The following NDUFV2 variants were observed in gnomAD, a reference collection of about 807,000 sequenced individuals.
NDUFV2 encodes the protein NADH dehydrogenase [ubiquinone] flavoprotein 2, mitochondrial.
A neutral mutation model predicts 31.6 loss-of-function variants in NDUFV2; 18 were observed. The ratio of observed to expected loss-of-function variants is 0.57; its 90% CI spans 0.39 to 0.84. The LOEUF (loss-of-function observed/expected upper bound fraction) is 0.84. Ranked by LOEUF, NDUFV2 falls within the 40% of genes least tolerant of loss-of-function variation. The probability of loss-of-function intolerance (pLI) is 0.00; values close to 1 mark genes in which losing one functional copy is unlikely to be tolerated. For missense variants in NDUFV2, 314 were observed against 303.6 expected, an observed-to-expected ratio of 1.03 and a Z score of -0.26; for synonymous variants, 83 against 99.8, an observed-to-expected ratio of 0.83 and a Z score of 1.01.
At chr18:9,119,178 AT>A in intron 2 of NDUFV2, 147 bp from the exon 3 acceptor site, 2 of 687,220 alleles carry the variant, frequency 2.9e-6, no homozygotes, top group Non-Finnish European at 5.2e-6. Flanking sequence ...GTGTTTAGAC[AT>A]TCTTTTTGAT....
In NDUFV2 at chr18:9,126,929, G is replaced by GA; in HGVS notation, c.656+24dup. 5 of 1,590,588 alleles carry GA rather than the reference G, an allele frequency of 3.1e-6. No individual in the cohort carries two copies. The Middle Eastern group carries it at 8.4e-4, about 268-fold the overall frequency. ...CAAGGTATGCTTTATTTATATATAG[G>GA]AAGTTTTAGTGGCTCACCTAAATTA... On this transcript the variant is annotated intron_variant, in intron 7 of 7. Coordinates refer to ENST00000318388, the MANE Select transcript of NDUFV2 (RefSeq NM_021074.5).
rs1386267240 is a variant in NDUFV2, at chr18:9,102,768, G to C, written c.25G>C (p.Ala9Pro). The change falls in exon 1 of 8, where the codon GCC (alanine) becomes CCC (proline). Residue 9 changes from alanine to proline, a missense_variant. Physicochemically the swap from Ala to Pro is conservative, Grantham distance 27 (BLOSUM62 -1). Coordinates refer to ENST00000318388, the MANE Select transcript of NDUFV2 (RefSeq NM_021074.5). The part of the protein sequence containing the change: MFFSAALR[A>P]RAAGLTAHWG... Reference sequence around the variant, plus strand: ...CATGTTCTTCTCCGCGGCGCTCCGGGCCCGGGCGGCTGGCCTCACCGCCCA... The same window carrying C: ...CATGTTCTTCTCCGCGGCGCTCCGGCCCCGGGCGGCTGGCCTCACCGCCCA... The C allele has an allele frequency of 6.3e-7, 1 of 1,584,692 alleles. No individual in the cohort carries two copies. The highest frequency in any genetic ancestry group is 1.1e-5 in the South Asian group (1 of 87,076).
At chr18:9,114,098 T>G (rs1039825) in intron 1 of NDUFV2, among the ~76,000 whole-genome samples, 126,146 of 152,092 alleles carry the variant, frequency 0.83, 52,439 homozygotes, top group Middle Eastern at 0.91. Flanking sequence ...AAGATGGTCT[T>G]AAACAAAAGC....
At chr18:9,109,073 C>G (rs1339850931) in intron 1 of NDUFV2, among the ~76,000 whole-genome samples, 1 of 152,122 alleles carries the variant, frequency 6.6e-6, no homozygotes, top group East Asian at 1.9e-4. Flanking sequence ...TTTCAGTTTT[C>G]TTGCTTGAGC....
chr18:9,126,862 T>C lies in NDUFV2; in HGVS notation c.611T>C (p.Ile204Thr). 6.2e-7 allele frequency: 1 copy of C among 1,613,892 alleles called. No individual in the cohort carries two copies. The highest frequency in any genetic ancestry group is 8.5e-7 in the Non-Finnish European group (1 of 1,179,916). The change falls in exon 7 of 8, where the codon ATT (isoleucine) becomes ACT (threonine). Residue 204 changes from isoleucine (I) to threonine (T), a missense_variant. Transcript: ENST00000318388. ...TTGACAGCTAAGGATATTGAAGAAA[T>C]TATTGATGAGCTCAAGGCTGGCAAA... ...EDLTAKDIEEIIDELKAGKIP... is the reference protein window; with the variant it reads ...EDLTAKDIEETIDELKAGKIP...
chr18:9,112,160 A>G (rs561700987), intron 1 of NDUFV2, among the ~76,000 whole-genome samples: 5 of 151,910 alleles, frequency 3.3e-5, no homozygotes, highest in Admixed American at 2.6e-4. Flanking sequence ...CTGGGACTAC[A>G]GGTGTGCGCC....
chr18:9,113,718 A>G (rs1460360525), intron 1 of NDUFV2, among the ~76,000 whole-genome samples: 2 of 152,218 alleles, frequency 1.3e-5, no homozygotes, highest in Non-Finnish European at 2.9e-5. Context: ...TTGTATAGAA[A>G]AGCACTGTGA....
chr18:9,112,862 A>C (rs1441501663), intron 1 of NDUFV2: 6 of 152,226 alleles, frequency 3.9e-5, no homozygotes, highest in African/African-American at 1.4e-4. Context: ...TACATATTAT[A>C]GTATATATAC....
chr18:9,123,835 CAT>C (rs2077962004), intron 5 of NDUFV2, among the ~76,000 whole-genome samples: 1 of 152,204 alleles, frequency 6.6e-6, no homozygotes, highest in Non-Finnish European at 1.5e-5. Flanking sequence ...TGTACACACA[CAT>C]CTTTGCGTAC....
chr18:9,129,081 G>A (rs2078017597), intron 7 of NDUFV2, among the ~76,000 whole-genome samples: 1 of 152,136 alleles, frequency 6.6e-6, no homozygotes, highest in Admixed American at 6.5e-5. Context: ...GGGACTATAA[G>A]AACGTGCCAC....
At chr18:9,109,963 CTTAT>C (rs1196738761) in intron 1 of NDUFV2, among the ~76,000 whole-genome samples, 5 of 151,992 alleles carry the variant, frequency 3.3e-5, no homozygotes, top group African/African-American at 7.3e-5. Context: ...AGGTTATGAT[CTTAT>C]TTACTTAAAA....
chr18:9,112,022 T>TG (rs1254656993), intron 1 of NDUFV2, among the ~76,000 whole-genome samples: 3 of 149,102 alleles, frequency 2.0e-5, no homozygotes, highest in African/African-American at 5.0e-5. Context: ...GAAGGGTTTT[T>TG]TTTTTTTTTT....
chr18:9,124,990 A>T lies in NDUFV2; in HGVS notation c.579+7A>T. 1 of 1,612,700 alleles carries T rather than the reference A, an allele frequency of 6.2e-7. No homozygotes were observed. Among genetic ancestry groups the T allele is most frequent in the Non-Finnish European group, 8.5e-7 (1 of 1,178,988 alleles). ...AATAAATGACAATTACTATGTGAGTATTTCAGGTAATACAAGTTAAAGTTG... is the reference window on the plus strand; with the variant it reads ...AATAAATGACAATTACTATGTGAGTTTTTCAGGTAATACAAGTTAAAGTTG... On this transcript the variant is annotated splice_region_variant and intron_variant, in intron 6 of 7. Transcript: ENST00000318388.
chr18:9,104,213 T>A (rs1485159100), intron 1 of NDUFV2: 1 of 1,612,718 alleles, frequency 6.2e-7, no homozygotes, highest in Non-Finnish European at 8.5e-7. Context: ...GAAGCCACCC[T>A]CTGCTGTTGG....
At chr18:9,125,823 T>A (rs1178166102) in intron 6 of NDUFV2, among the ~76,000 whole-genome samples, 1 of 152,174 alleles carries the variant, frequency 6.6e-6, no homozygotes, top group East Asian at 1.9e-4. Flanking sequence ...GAAAAGCCCC[T>A]CTCCTTATAC....
chr18:9,129,972 T>A (rs967949386), intron 7 of NDUFV2, among the ~76,000 whole-genome samples: 4 of 152,218 alleles, frequency 2.6e-5, no homozygotes. Flanking sequence ...TGAGCATCTC[T>A]GAGGTTCCTT....
chr18:9,124,787 C>A, intron 5 of NDUFV2, 87 bp from the exon 6 acceptor site: 5 of 1,311,780 alleles, frequency 3.8e-6, no homozygotes, highest in South Asian at 1.4e-5. Context: ...TTTTAATATA[C>A]CTCTATAAAA....
chr18:9,112,238 C>G (rs879347167), intron 1 of NDUFV2, among the ~76,000 whole-genome samples: 3 of 151,458 alleles, frequency 2.0e-5, no homozygotes, highest in Non-Finnish European at 4.4e-5. Context: ...AGGCTGATCT[C>G]GAACTCCTGA....
At chr18:9,131,913 CTT>C (rs1406446645) in intron 7 of NDUFV2, among the ~76,000 whole-genome samples, 1 of 152,036 alleles carries the variant, frequency 6.6e-6, no homozygotes, top group African/African-American at 2.4e-5. Context: ...CTCACTGCCT[CTT>C]GAGTGTTCTG....
Sources: allele counts gnomAD v4.1 joint callset (sites outside exome capture counted in the v4.1 genomes callset), GRCh38; gene constraint gnomAD v4.1.1; transcripts MANE v1.5; gene names NCBI Gene and HGNC (gene_info 2026-07-23, HGNC 2026-07-21).